The following ROBO2 variants were observed in gnomAD, a reference collection of about 807,000 sequenced individuals.
ROBO2 encodes the protein roundabout homolog 2.
ROBO2 carries 53 observed loss-of-function variants against 160.8 expected under a neutral mutation model. That is an observed-to-expected ratio of 0.33 (90% CI 0.26 to 0.41). The LOEUF is 0.41. ROBO2 is among the 10% of genes least tolerant of loss of function. ROBO2 has a pLI of 1.00. For missense variants in ROBO2, 1,577 were observed against 1,722.4 expected (o/e 0.92, Z 1.49); for synonymous variants, 664 against 611.7 (o/e 1.09, Z -1.26).
intron 2 of ROBO2, 61 bp downstream of exon 2, chr3:77,098,401 G>T (rs2071392115): frequency 6.5e-7 from 1 of 1,533,484 alleles, no homozygotes; most frequent in Non-Finnish European, 9.0e-7. Flanking sequence ...AGTAAGTTTT[G>T]ATGTGTTCCC....
At chr3:77,478,173 C>T (rs2084267661) in intron 3 of ROBO2, among the ~76,000 whole-genome samples, 1 of 152,106 alleles carries the variant, frequency 6.6e-6, no homozygotes, top group Admixed American at 6.6e-5. Flanking sequence ...GTTGATCATG[C>T]AGTACCTGAG....
chr3:77,007,492 C>G (rs1401362164), intron 2 of ROBO2, among the ~76,000 whole-genome samples: 1 of 151,996 alleles, frequency 6.6e-6, no homozygotes, highest in Admixed American at 6.6e-5. Context: ...CCATTTTTTT[C>G]TGCATTTCTT....
At chr3:77,632,473 G>T in intron 23 of ROBO2, 1 of 1,526,576 alleles carries the variant, frequency 6.6e-7, no homozygotes, top group Admixed American at 2.0e-5. Context: ...TTTGTTTTTA[G>T]GTTCAATGGT....
intron 2 of ROBO2, among the ~76,000 whole-genome samples, chr3:76,291,280 G>A (rs1257209986): frequency 6.6e-6 from 1 of 152,054 alleles, no homozygotes; most frequent in Non-Finnish European, 1.5e-5. Flanking sequence ...TTGGGAGCTT[G>A]CATGTTTCCA....
At chr3:75,935,974 A>G (rs1275085833) in intron 1 of ROBO2, among the ~76,000 whole-genome samples, 2 of 152,212 alleles carry the variant, frequency 1.3e-5, no homozygotes, top group African/African-American at 2.4e-5. Context: ...TGCTTTGTTC[A>G]TAGGATTTCT....
At chr3:76,511,660 G>C (rs1010222344) in intron 2 of ROBO2, among the ~76,000 whole-genome samples, 8 of 152,170 alleles carry the variant, frequency 5.3e-5, no homozygotes, top group Non-Finnish European at 1.0e-4. Context: ...TATTGCCAAT[G>C]CTGGGAACAC....
chr3:76,992,628 T>C (rs2060750226), intron 2 of ROBO2, among the ~76,000 whole-genome samples: 1 of 151,658 alleles, frequency 6.6e-6, no homozygotes. Flanking sequence ...GTCAATTTTT[T>C]CCTAAAAATA....
At chr3:76,895,537 A>T (rs2148841119) in intron 2 of ROBO2, among the ~76,000 whole-genome samples, 1 of 152,176 alleles carries the variant, frequency 6.6e-6, no homozygotes, top group South Asian at 2.1e-4. Flanking sequence ...AGTCTATATG[A>T]TTAGAACCAA....
chr3:77,166,387 C>A (rs2079076801), intron 2 of ROBO2, among the ~76,000 whole-genome samples: 1 of 152,118 alleles, frequency 6.6e-6, no homozygotes, highest in Non-Finnish European at 1.5e-5. Context: ...AACCAGATAT[C>A]CCCAATTGAT....
chr3:76,010,127 A>G (rs1005077932), intron 2 of ROBO2, among the ~76,000 whole-genome samples: 1 of 152,248 alleles, frequency 6.6e-6, no homozygotes, highest in African/African-American at 2.4e-5. Flanking sequence ...ACTTAATAAA[A>G]ATGTCAACTT....
At chr3:77,296,050 T>A (rs1197595116) in intron 2 of ROBO2, among the ~76,000 whole-genome samples, 1 of 151,314 alleles carries the variant, frequency 6.6e-6, no homozygotes, top group African/African-American at 2.4e-5. Context: ...AATTGATGGT[T>A]AAACGGGTAA....
intron 2 of ROBO2, among the ~76,000 whole-genome samples, chr3:77,147,877 A>G (rs1393615995): frequency 6.6e-6 from 1 of 152,152 alleles, no homozygotes. Context: ...TCCCTCCCAC[A>G]CACACATCCA....
intron 2 of ROBO2, among the ~76,000 whole-genome samples, chr3:75,981,049 A>G (rs770784069): frequency 4.0e-5 from 6 of 151,554 alleles, no homozygotes; most frequent in Admixed American, 1.3e-4. Context: ...ACTAGCTCAA[A>G]TATTAACCAA....
At chr3:76,388,618 ACAAC>A (rs1194892217) in intron 2 of ROBO2, among the ~76,000 whole-genome samples, 1 of 152,208 alleles carries the variant, frequency 6.6e-6, no homozygotes, top group African/African-American at 2.4e-5. Flanking sequence ...TCATTGCTGT[ACAAC>A]CAATTTTGTA....
At chr3:76,241,487 T>C (rs1185927697) in intron 2 of ROBO2, among the ~76,000 whole-genome samples, 2 of 152,174 alleles carry the variant, frequency 1.3e-5, no homozygotes, top group Non-Finnish European at 2.9e-5. Flanking sequence ...TATATACTTG[T>C]ATGTTTGAAG....
At chr3:76,925,166 C>T (rs1435712001) in intron 2 of ROBO2, among the ~76,000 whole-genome samples, 1 of 147,328 alleles carries the variant, frequency 6.8e-6, no homozygotes, top group Non-Finnish European at 1.5e-5. Flanking sequence ...AGCCGAGATC[C>T]CGCCACTGCA....
chr3:77,187,799 A>G (rs2081414358), intron 2 of ROBO2, among the ~76,000 whole-genome samples: 1 of 151,948 alleles, frequency 6.6e-6, no homozygotes, highest in African/African-American at 2.4e-5. Flanking sequence ...ATGAATGTAT[A>G]GAAGTATAAT....
At chr3:76,834,062 TTTTCTTTCTTTCTTTC>T (rs71104628) in intron 2 of ROBO2, among the ~76,000 whole-genome samples, 3 of 88,012 alleles carry the variant, frequency 3.4e-5, no homozygotes, top group African/African-American at 4.5e-5. Flanking sequence ...CCTTTCTTTC[TTTTCTTTCTTTCTTTC>T]TTTCTTTCTT....
intron 2 of ROBO2, among the ~76,000 whole-genome samples, chr3:76,753,779 A>G (rs1045874744): frequency 6.6e-6 from 1 of 151,892 alleles, no homozygotes; most frequent in Non-Finnish European, 1.5e-5. Flanking sequence ...TATGACTGTA[A>G]CCAGTAGGGG....
Sources: gnomAD v4.1 joint callset for allele counts (sites outside exome capture counted in the v4.1 genomes callset) on GRCh38, gnomAD v4.1.1 for gene constraint, MANE v1.5 for transcripts, NCBI Gene and HGNC (gene_info 2026-07-23, HGNC 2026-07-21) for gene names.